The following NDST4 variants were observed in gnomAD, a reference collection of about 807,000 sequenced individuals.
NDST4 encodes the protein N-heparan sulfate sulfotransferase 4.
In NDST4, 63 loss-of-function variants were observed where a neutral mutation model predicts 100.8. The ratio of observed to expected loss-of-function variants is 0.62; its 90% CI spans 0.51 to 0.77. The LOEUF (loss-of-function observed/expected upper bound fraction) is 0.77, where lower values mean the gene tolerates loss of function less well. Among genes scored for constraint, NDST4 ranks in the 30% least tolerant of loss-of-function variants. The pLI is 0.00. For synonymous variants in NDST4, 377 were observed against 361.8 expected (o/e 1.04, Z -0.48); for missense variants, 943 against 1,018.4 (o/e 0.93, Z 1.01).
At chr4:115,102,312 GA>G (rs60379536) in intron 1 of NDST4, among the ~76,000 whole-genome samples, 1,928 of 152,208 alleles carry the variant, frequency 0.013, 41 homozygotes, top group African/African-American at 0.044. Flanking sequence ...ACAAGTGAAT[GA>G]AACCAGAATG....
In NDST4 at chr4:114,880,225, A is replaced by G. The variant is rs181708412; in HGVS notation, c.1537-9275T>C. Among the ~76,000 whole-genome samples the G allele has an allele frequency of 7.5e-3, 1,137 of 152,274 alleles. 7 individuals carry two copies. Among genetic ancestry groups the G allele is most frequent in the Non-Finnish European group, 0.012 (833 of 68,002 alleles). On this transcript the variant is annotated intron_variant, in intron 6 of 13. Coordinates refer to ENST00000264363, the MANE Select transcript of NDST4 (RefSeq NM_022569.3). ...ATGCTCACAACCGTACAGTTGTTGC[A>G]TATATTTGTGTTTTGTTTTCTTTTA...
intron 2 of NDST4, among the ~76,000 whole-genome samples, chr4:114,980,375 C>T (rs942905801): frequency 2.0e-5 from 3 of 152,146 alleles, no homozygotes; most frequent in South Asian, 2.1e-4. Flanking sequence ...GGCATGATGG[C>T]TCATGCCTGT....
chr4:114,838,997 G>A (rs762951348), intron 11 of NDST4, among the ~76,000 whole-genome samples: 2 of 152,090 alleles, frequency 1.3e-5, no homozygotes, highest in Non-Finnish European at 1.5e-5. Flanking sequence ...GTGGTGTTTC[G>A]TAAAGTTGTT....
chr4:115,023,727 T>C lies in NDST4; in HGVS notation c.979-46453A>G, dbSNP rs150156310. On this transcript the variant is annotated intron_variant, in intron 2 of 13. Transcript: ENST00000264363. ...GAAGAAACAAGGGTGTAGCCATCCA[T>C]CATTTGCTAAAGAGATTCGTATGGA... is the stretch of plus-strand genomic sequence containing the variant. Among the ~76,000 whole-genome samples, 1,264 of 152,182 alleles carry C rather than the reference T, an allele frequency of 8.3e-3. 10 individuals carry two copies. Among genetic ancestry groups the C allele is most frequent in the African/African-American group, 0.017 (715 of 41,536 alleles).
Position 114,845,937 on chromosome 4 carries a change from A to T in NDST4, c.2001T>A (p.Ser667Arg). ...NTTSDFLFEK[S>R]ANYFHSEEAP... Reference sequence around the variant, plus strand: ...CTTCTTCCGAATGGAAGTAATTAGCACTCTTTTCAAACAGAAAGTCACTTG... The same window carrying T: ...CTTCTTCCGAATGGAAGTAATTAGCTCTCTTTTCAAACAGAAAGTCACTTG... The change falls in exon 10 of 14, where the codon AGT (serine) becomes AGA (arginine). Residue 667 changes from serine to arginine, a missense_variant. This residue lies in a region of NDST4 where 526 missense variants were observed against 634.1 expected (regional missense o/e 0.83). Transcript: ENST00000264363. 6.2e-7 allele frequency: 1 copy of T among 1,613,900 alleles called. No homozygotes were observed. Among genetic ancestry groups the T allele is most frequent in the South Asian group, 1.1e-5 (1 of 91,070 alleles).
At chr4:114,866,800 C>A (rs1724035974) in intron 7 of NDST4, among the ~76,000 whole-genome samples, 1 of 152,008 alleles carries the variant, frequency 6.6e-6, no homozygotes, top group Non-Finnish European at 1.5e-5. Context: ...ACATAACAAG[C>A]AGTTATTGTG....
chr4:114,914,483 A>G (rs773734401), intron 6 of NDST4, among the ~76,000 whole-genome samples: 15 of 152,146 alleles, frequency 9.9e-5, no homozygotes, highest in Non-Finnish European at 1.9e-4. Context: ...ATAAAATTAA[A>G]AAGCAATGTT....
At chr4:115,038,624 A>T (rs555066076) in intron 2 of NDST4, among the ~76,000 whole-genome samples, 1 of 152,218 alleles carries the variant, frequency 6.6e-6, no homozygotes, top group Non-Finnish European at 1.5e-5. Flanking sequence ...AGTAAAGGAC[A>T]TGTAATTAAG....
At chr4:115,104,628 A>C (rs1729800810) in intron 1 of NDST4, among the ~76,000 whole-genome samples, 1 of 152,110 alleles carries the variant, frequency 6.6e-6, no homozygotes, top group South Asian at 2.1e-4. Context: ...GTTTTCCTGA[A>C]AATTTTTGAA....
intron 11 of NDST4, among the ~76,000 whole-genome samples, chr4:114,838,370 G>C (rs1723347062): frequency 6.6e-6 from 1 of 152,108 alleles, no homozygotes; most frequent in South Asian, 2.1e-4. Context: ...ACATGTACAC[G>C]TATGTTCATT....
At chr4:115,081,993 A>T (rs1436874560) in intron 1 of NDST4, among the ~76,000 whole-genome samples, 3 of 151,836 alleles carry the variant, frequency 2.0e-5, no homozygotes, top group African/African-American at 7.2e-5. Context: ...ATCTTTCGTT[A>T]AAAATTTGGA....
intron 8 of NDST4, among the ~76,000 whole-genome samples, chr4:114,850,429 A>T (rs1560778122): frequency 6.6e-6 from 1 of 152,142 alleles, no homozygotes; most frequent in African/African-American, 2.4e-5. Context: ...GAAACAGAAA[A>T]AATGTGGCTT....
At chr4:115,042,711 T>C (rs1011879456) in intron 2 of NDST4, among the ~76,000 whole-genome samples, 16 of 152,076 alleles carry the variant, frequency 1.1e-4, no homozygotes, top group African/African-American at 3.9e-4. Context: ...CCCCTGGCGG[T>C]GAGGGGAGAC....
At chr4:114,837,022 A>G (rs1723319440) in intron 11 of NDST4, among the ~76,000 whole-genome samples, 1 of 151,962 alleles carries the variant, frequency 6.6e-6, no homozygotes, top group Admixed American at 6.6e-5. Flanking sequence ...TTCCTGTAAC[A>G]TTTACCAAGT....
chr4:114,938,026 G>A (rs1487211414), intron 4 of NDST4, among the ~76,000 whole-genome samples: 2 of 152,146 alleles, frequency 1.3e-5, no homozygotes, highest in Non-Finnish European at 2.9e-5. Flanking sequence ...AGCCTGGAGG[G>A]CCAAGATCTG....
intron 6 of NDST4, among the ~76,000 whole-genome samples, chr4:114,923,376 G>A (rs748226771): frequency 6.6e-6 from 1 of 151,978 alleles, no homozygotes; most frequent in Non-Finnish European, 1.5e-5. Flanking sequence ...GTCATTCACT[G>A]TACTTAAAAA....
intron 11 of NDST4, among the ~76,000 whole-genome samples, chr4:114,838,951 G>A (rs770769706): frequency 2.8e-4 from 43 of 151,810 alleles, no homozygotes; most frequent in Non-Finnish European, 3.2e-4. Flanking sequence ...TCCTTATAAG[G>A]GCCATACAGA....
At chr4:115,086,315 G>A (rs1040221446) in intron 1 of NDST4, among the ~76,000 whole-genome samples, 14 of 151,974 alleles carry the variant, frequency 9.2e-5, no homozygotes, top group African/African-American at 2.7e-4. Flanking sequence ...TCAAAATAGA[G>A]GTACAAAGTA....
chr4:114,872,639 T>C (rs1439362927), intron 6 of NDST4, among the ~76,000 whole-genome samples: 2 of 152,024 alleles, frequency 1.3e-5, no homozygotes, highest in African/African-American at 4.8e-5. Flanking sequence ...TCATATAGTG[T>C]TTGCTTACTA....
Sources: gnomAD v4.1 joint callset for allele counts (sites outside exome capture counted in the v4.1 genomes callset) on GRCh38, gnomAD v4.1.1 for gene constraint, gnomAD v4.1.1 regional missense constraint, MANE v1.5 for transcripts, NCBI Gene and HGNC (gene_info 2026-07-23, HGNC 2026-07-21) for gene names.